The following MYT1L variants were observed in gnomAD, a reference collection of about 807,000 sequenced individuals.
MYT1L encodes myelin transcription factor 1-like protein.
In MYT1L, 12 loss-of-function variants were observed where a neutral mutation model predicts 126.7. The observed-to-expected ratio is 0.09, with a 90% confidence interval of 0.06 to 0.15. MYT1L has a LOEUF of 0.15. Ranked by LOEUF, MYT1L falls within the 10% of genes least tolerant of loss-of-function variation. The pLI is 1.00. For missense variants in MYT1L, 979 were observed against 1,585.2 expected (o/e 0.62, Z 6.49); for synonymous variants, 541 against 604.2 (o/e 0.90, Z 1.53).
intron 1 of MYT1L, among the ~76,000 whole-genome samples, chr2:2,320,487 A>G (rs2096143477): frequency 6.6e-6 from 1 of 151,878 alleles, no homozygotes; most frequent in African/African-American, 2.4e-5. Context: ...AGAAAAAAAA[A>G]AAAGAAAAAA....
chr2:2,033,230 G>T (rs1198975101), intron 4 of MYT1L, among the ~76,000 whole-genome samples: 1 of 138,462 alleles, frequency 7.2e-6, no homozygotes, highest in Non-Finnish European at 1.5e-5. Flanking sequence ...GCCCAGAGCA[G>T]ATTCTAGATG....
At position 1,917,477 on chromosome 2, in the gene MYT1L, T is replaced by C; in HGVS notation, c.1484-138A>G. 1.0e-6 allele frequency: 1 copy of C among 1,001,046 alleles called. No individual in the cohort carries two copies. The highest frequency in any genetic ancestry group is 1.8e-5 in the South Asian group (1 of 55,716). 62.0% of individuals were successfully genotyped at this position (1,001,046 alleles called of 1,614,324 possible). ...GGGCTAGGCTGTGACATCAGACTTTTGCTTAGATAGTTCTTTGGTTTTGGG... is the reference window on the plus strand; with the variant it reads ...GGGCTAGGCTGTGACATCAGACTTTCGCTTAGATAGTTCTTTGGTTTTGGG... On this transcript the variant is annotated intron_variant, in intron 10 of 24. Transcript: ENST00000647738. The surrounding 1 kb of genome is among the most constrained non-coding windows in gnomAD (Gnocchi z 5.9).
At chr2:2,259,936 A>G (rs1242401306) in intron 2 of MYT1L, among the ~76,000 whole-genome samples, 1 of 152,204 alleles carries the variant, frequency 6.6e-6, no homozygotes, top group Non-Finnish European at 1.5e-5. Flanking sequence ...TATGTGAAAA[A>G]TGTTTCAGAA....
chr2:1,866,326 C>T (rs368814013), intron 18 of MYT1L, among the ~76,000 whole-genome samples: 38 of 152,226 alleles, frequency 2.5e-4, no homozygotes, highest in African/African-American at 6.3e-4. Flanking sequence ...GCCCCGTCGC[C>T]TGCTGCCCAC....
chr2:1,911,695 G>T (rs1230091852), intron 12 of MYT1L, among the ~76,000 whole-genome samples: 1 of 152,210 alleles, frequency 6.6e-6, no homozygotes, highest in Admixed American at 6.5e-5. Flanking sequence ...GCCACGTCCT[G>T]TCCAATGAAC....
At chr2:2,216,424 G>A (rs1169888657) in intron 2 of MYT1L, among the ~76,000 whole-genome samples, 1 of 152,152 alleles carries the variant, frequency 6.6e-6, no homozygotes, top group Non-Finnish European at 1.5e-5. Context: ...ATGGGTCAAA[G>A]GAGGAATATG....
chr2:2,127,691 C>A (rs1233506250), intron 3 of MYT1L, among the ~76,000 whole-genome samples: 4 of 152,222 alleles, frequency 2.6e-5, no homozygotes, highest in Admixed American at 6.5e-5. Flanking sequence ...AGCTCCGCAG[C>A]TCTCATGCAG....
intron 4 of MYT1L, among the ~76,000 whole-genome samples, chr2:2,019,056 A>C (rs1282577626): frequency 1.8e-4 from 27 of 152,122 alleles, no homozygotes. Context: ...CATTTCTCAC[A>C]AAAAGAAATT....
intron 23 of MYT1L, chr2:1,800,232 A>G (rs1011873463): frequency 1.3e-5 from 2 of 152,204 alleles, no homozygotes; most frequent in African/African-American, 4.8e-5. Flanking sequence ...TGCTGCCTCC[A>G]TGGCCTCGGC....
At chr2:2,117,479 A>G (rs1048568723) in intron 3 of MYT1L, among the ~76,000 whole-genome samples, 64 of 152,122 alleles carry the variant, frequency 4.2e-4, no homozygotes, top group African/African-American at 1.5e-3. Flanking sequence ...TGTAGGGTCT[A>G]TGATGGAAGA....
chr2:2,095,704 C>T (rs1174372170), intron 3 of MYT1L, among the ~76,000 whole-genome samples: 1 of 152,162 alleles, frequency 6.6e-6, no homozygotes. Context: ...TTTGACAGGA[C>T]ACCACCATCC....
At chr2:2,227,633 CTTCTGTCCTTTTCTTGTTATCTGAA>C in intron 2 of MYT1L, among the ~76,000 whole-genome samples, 1 of 152,172 alleles carries the variant, frequency 6.6e-6, no homozygotes. Flanking sequence ...AGCTCCTGGT[CTTCTGTCCTTTTCTTGTTATCTGAA>C]TTAGCAAAAA....
chr2:2,265,369 A>T (rs2095100661), intron 2 of MYT1L, among the ~76,000 whole-genome samples: 1 of 151,080 alleles, frequency 6.6e-6, no homozygotes, highest in African/African-American at 2.4e-5. Flanking sequence ...TAAGGTTGTC[A>T]TTAGAGTTAA....
At chr2:2,089,885 T>A (rs2076736109) in intron 3 of MYT1L, among the ~76,000 whole-genome samples, 1 of 152,188 alleles carries the variant, frequency 6.6e-6, no homozygotes. Flanking sequence ...AGTGAAAATA[T>A]GTCATAACAC....
intron 4 of MYT1L, among the ~76,000 whole-genome samples, chr2:2,048,407 G>A (rs1368853268): frequency 6.6e-6 from 1 of 152,160 alleles, no homozygotes; most frequent in Non-Finnish European, 1.5e-5. Context: ...ATGGAAACAA[G>A]GGCATTCAAG....
At chr2:2,052,345 T>C (rs777847106) in intron 4 of MYT1L, among the ~76,000 whole-genome samples, 3 of 152,122 alleles carry the variant, frequency 2.0e-5, no homozygotes, top group Non-Finnish European at 4.4e-5. Context: ...TAGAAGAAAA[T>C]AGGAAGGATC....
At chr2:1,792,287 T>C in intron 24 of MYT1L, 34 bp downstream of exon 24, 8 of 1,572,412 alleles carry the variant, frequency 5.1e-6, no homozygotes, top group South Asian at 1.2e-5. Flanking sequence ...TGTGGAGGAC[T>C]CCACATTCCT....
intron 3 of MYT1L, among the ~76,000 whole-genome samples, chr2:2,163,970 A>G (rs2088529043): frequency 6.6e-6 from 1 of 152,208 alleles, no homozygotes; most frequent in Middle Eastern, 3.4e-3. Context: ...TTATTCATGC[A>G]TGTTTCTTGT....
chr2:2,274,004 T>G (rs893184974), intron 2 of MYT1L, among the ~76,000 whole-genome samples: 8 of 151,862 alleles, frequency 5.3e-5, no homozygotes, highest in Non-Finnish European at 1.0e-4. Context: ...GAACTGATAC[T>G]CAATTATCCA....
Sources: gnomAD v4.1 joint callset for allele counts (sites outside exome capture counted in the v4.1 genomes callset) on GRCh38, gnomAD v4.1.1 for gene constraint, Gnocchi (gnomAD v3.1) non-coding constraint, MANE v1.5 for transcripts, NCBI Gene and HGNC (gene_info 2026-07-23, HGNC 2026-07-21) for gene names.